The following CEP83 variants were observed in gnomAD, a reference collection of about 807,000 sequenced individuals.
CEP83 encodes the protein centrosomal protein 83.
A neutral mutation model predicts 101.9 loss-of-function variants in CEP83; 70 were observed. That is an observed-to-expected ratio of 0.69 (90% CI 0.57 to 0.84). The LOEUF is 0.84. Ranked by LOEUF, CEP83 falls within the 40% of genes least tolerant of loss-of-function variation. CEP83 has a pLI of 0.00. For missense variants in CEP83, 715 were observed against 787.2 expected (o/e 0.91, Z 1.10); for synonymous variants, 264 against 267.9 (o/e 0.99, Z 0.14).
chr12:94,371,507 A>T (rs949105769), intron 8 of CEP83, among the ~76,000 whole-genome samples: 4 of 152,244 alleles, frequency 2.6e-5, no homozygotes, highest in Non-Finnish European at 5.9e-5. Context: ...ATAAGGATTT[A>T]ATCAATACAA....
chr12:94,364,521 T>G (rs1322941803), intron 11 of CEP83, among the ~76,000 whole-genome samples: 1 of 152,086 alleles, frequency 6.6e-6, no homozygotes. Context: ...TTCCAACTAC[T>G]TGGGAGGCTG....
intron 11 of CEP83, among the ~76,000 whole-genome samples, chr12:94,364,128 T>C (rs1429136730): frequency 6.6e-6 from 1 of 152,082 alleles, no homozygotes; most frequent in Admixed American, 6.6e-5. Context: ...GGAGTTATTG[T>C]TTAATGGGTA....
intron 4 of CEP83, among the ~76,000 whole-genome samples, chr12:94,410,745 T>C (rs1205703679): frequency 1.3e-5 from 2 of 152,174 alleles, no homozygotes; most frequent in Non-Finnish European, 2.9e-5. Flanking sequence ...CCCTCTTCGA[T>C]TTACATTTCT....
At chr12:94,414,947 T>C (rs942341032) in intron 2 of CEP83, among the ~76,000 whole-genome samples, 1 of 152,138 alleles carries the variant, frequency 6.6e-6, no homozygotes, top group East Asian at 1.9e-4. Flanking sequence ...TGCTAAGAGT[T>C]AAAATTCTAG....
At chr12:94,267,844 T>TC in the CEP83 span, among the ~76,000 whole-genome samples, 1 of 152,092 alleles carries the variant, frequency 6.6e-6, no homozygotes, top group African/African-American at 2.4e-5. Flanking sequence ...CCTTCCCTCC[T>TC]CCCCTTCTTT....
intron 6 of CEP83, among the ~76,000 whole-genome samples, chr12:94,391,551 TATG>T (rs2062536045): frequency 6.6e-6 from 1 of 152,186 alleles, no homozygotes; most frequent in Admixed American, 6.5e-5. Flanking sequence ...CCATCGATGC[TATG>T]AAGACACTGC....
Position 94,448,228 on chromosome 12 carries a change from A to C in CEP83, c.-155+11329T>G, listed in dbSNP as rs1483484949. On this transcript the variant is annotated intron_variant, in intron 1 of 16. Coordinates refer to ENST00000397809, the MANE Select transcript of CEP83 (RefSeq NM_016122.3). The stretch of plus-strand genomic sequence containing the variant: ...TATTACAGACAAAGGAGGCCATTTC[A>C]TAATGAAAACAGGGTCACTATATCA... 2.6e-5 allele frequency among the ~76,000 whole-genome samples: 4 copies of C among 152,196 alleles called. No individual in the cohort carries two copies. In the East Asian group the frequency reaches 7.7e-4, roughly 29 times the overall value.
chr12:94,356,079 C>T (rs1435385331), intron 11 of CEP83, among the ~76,000 whole-genome samples: 5 of 152,260 alleles, frequency 3.3e-5, no homozygotes, highest in African/African-American at 4.8e-5. Flanking sequence ...CGGCAAGTGG[C>T]GCCCATTCAT....
chr12:94,436,718 C>A (rs1199058944), intron 1 of CEP83, among the ~76,000 whole-genome samples: 1 of 151,514 alleles, frequency 6.6e-6, no homozygotes, highest in African/African-American at 2.4e-5. Context: ...GTAGTCCCAG[C>A]TACTCGGGAG....
At position 94,369,909 on chromosome 12, in the gene CEP83, AATCACAT is replaced by A. The variant is rs771855904; in HGVS notation, c.1048+6_1048+12del. 4 of 1,310,010 alleles carry A rather than the reference AATCACAT, an allele frequency of 3.1e-6. No individual in the cohort carries two copies. In the South Asian group the frequency reaches 5.0e-5, roughly 16 times the overall value. 81.1% of individuals were successfully genotyped at this position (1,310,010 alleles called of 1,614,324 possible). A position where few individuals can be genotyped will look rare whatever the true frequency, so the allele number is the denominator to read the frequency against. ...AAGCAGCAGCAGCAGCAGCAAGGGA[AATCACAT>A]ATTACCATCCAGTTCACTTTGAATC... On this transcript the variant is annotated splice_donor_region_variant and intron_variant, in intron 9 of 16. Transcript: ENST00000397809.
rs775004820 is a variant in CEP83 at position 94,411,723 on chromosome 12, T to C, written c.298A>G (p.Lys100Glu). The part of the protein sequence containing the change: ...ELRGELVEKT[K>E]DLEEMKLQIL... ...TGCAGTTTCATTTCTTCTAAATCTT[T>C]AGTTTTCTCTACTAATTCTCCTCTT... is the stretch of plus-strand genomic sequence containing the variant. Residue 100 changes from lysine to glutamate, a missense_variant, in exon 4 of 17, where the codon AAA becomes GAA. Coordinates refer to ENST00000397809, the MANE Select transcript of CEP83 (RefSeq NM_016122.3). 1.9e-6 allele frequency: 3 copies of C among 1,603,242 alleles called. No individual in the cohort carries two copies. The Admixed American group carries it at 5.2e-5, about 28-fold the overall frequency.
chr12:94,326,827 A>G (rs1462389156), intron 14 of CEP83, among the ~76,000 whole-genome samples: 2 of 152,220 alleles, frequency 1.3e-5, no homozygotes, highest in Non-Finnish European at 2.9e-5. Flanking sequence ...CACAAGGGGC[A>G]TGAAAAAAGA....
At chr12:94,450,881 A>G (rs2067201440) in intron 1 of CEP83, among the ~76,000 whole-genome samples, 1 of 152,200 alleles carries the variant, frequency 6.6e-6, no homozygotes, top group South Asian at 2.1e-4. Context: ...TGGAAATGGA[A>G]AGAGCATAGA....
At chr12:94,277,683 A>G in the CEP83 span, 2 of 332,892 alleles carry the variant, frequency 6.0e-6, no homozygotes, top group African/African-American at 2.2e-5. Context: ...GATACTGAGC[A>G]TGGAGTGGGC....
chr12:94,441,980 G>T (rs1469749723), intron 1 of CEP83, among the ~76,000 whole-genome samples: 1 of 151,406 alleles, frequency 6.6e-6, no homozygotes, highest in African/African-American at 2.4e-5. Flanking sequence ...CTCACTATTG[G>T]GTATCTACCC....
At chr12:94,367,084 T>C (rs1039018488) in intron 11 of CEP83, among the ~76,000 whole-genome samples, 10 of 152,038 alleles carry the variant, frequency 6.6e-5, no homozygotes, top group African/African-American at 1.9e-4. Context: ...ATCATAGAAA[T>C]GGAAAGATCA....
rs527928544 is a variant in CEP83, at chr12:94,384,589, A to G, written c.550-5547T>C. 2.0e-5 allele frequency among the ~76,000 whole-genome samples: 3 copies of G among 152,130 alleles called. No individual in the cohort carries two copies. In the South Asian group the frequency reaches 6.2e-4, roughly 32 times the overall value. ...GAGAATCTGTTTATTTGCTTTTTAA[A>G]TCTATTTTCTCTAGTCTGTTCAGAT... On this transcript the variant is annotated intron_variant, in intron 6 of 16. Transcript: ENST00000397809.
intron 1 of CEP83, among the ~76,000 whole-genome samples, chr12:94,444,878 C>T (rs2066684012): frequency 6.6e-6 from 1 of 151,974 alleles, no homozygotes. Context: ...GCAAGAAATG[C>T]CATATTTGTG....
At chr12:94,323,064 C>A (rs540633760) in intron 14 of CEP83, among the ~76,000 whole-genome samples, 2 of 152,208 alleles carry the variant, frequency 1.3e-5, no homozygotes, top group Non-Finnish European at 2.9e-5. Flanking sequence ...AGCTCCATCT[C>A]AGAGAGGTGT....
Sources: allele counts gnomAD v4.1 joint callset (sites outside exome capture counted in the v4.1 genomes callset), GRCh38; gene constraint gnomAD v4.1.1; transcripts MANE v1.5; gene names NCBI Gene and HGNC (gene_info 2026-07-23, HGNC 2026-07-21).